The following PCCA variants were observed in gnomAD, a reference collection of about 807,000 sequenced individuals.
The protein encoded by PCCA is propionyl-CoA carboxylase alpha chain, mitochondrial.
PCCA carries 74 observed loss-of-function variants against 101.3 expected under a neutral mutation model. The ratio of observed to expected loss-of-function variants is 0.73; its 90% CI spans 0.61 to 0.89. PCCA has a LOEUF of 0.89. PCCA is among the 40% of genes least tolerant of loss of function. The pLI, the probability that PCCA is intolerant of heterozygous loss-of-function variation, is 0.00. For missense variants in PCCA, 891 were observed against 907.0 expected (o/e 0.98, Z 0.23); for synonymous variants, 294 against 313.6 (o/e 0.94, Z 0.66).
chr13:100,383,797 T>C (rs1442193078), intron 19 of PCCA, among the ~76,000 whole-genome samples: 1 of 152,114 alleles, frequency 6.6e-6, no homozygotes, highest in East Asian at 1.9e-4. Flanking sequence ...ACCCTATATT[T>C]TTCTCCTCAA....
At chr13:100,392,380 G>A (rs2076841191) in intron 19 of PCCA, among the ~76,000 whole-genome samples, 1 of 152,028 alleles carries the variant, frequency 6.6e-6, no homozygotes, top group Non-Finnish European at 1.5e-5. Context: ...TTACATAATG[G>A]GATATCAAAA....
At chr13:100,102,047 A>G (rs140492564) in intron 1 of PCCA, among the ~76,000 whole-genome samples, 6 of 151,330 alleles carry the variant, frequency 4.0e-5, no homozygotes, top group African/African-American at 1.5e-4. Context: ...TTTTTCCTCC[A>G]TTTTTTTCCT....
rs534170427 is a variant in PCCA, at chr13:100,463,938, A to G, written c.1899+14633A>G. ...CTAAGTTATTTCAAAGTATCTCAGGATCTGTTGCCACCTGCCAAAGATCTT... is the reference window on the plus strand; with the variant it reads ...CTAAGTTATTTCAAAGTATCTCAGGGTCTGTTGCCACCTGCCAAAGATCTT... On this transcript the variant is annotated intron_variant, in intron 21 of 23. Coordinates refer to ENST00000376285, the MANE Select transcript of PCCA (RefSeq NM_000282.4). 3.3e-5 allele frequency among the ~76,000 whole-genome samples: 5 copies of G among 152,330 alleles called. No homozygotes were observed. In the East Asian group the frequency reaches 9.6e-4, roughly 29 times the overall value.
At chr13:100,279,486 T>G (rs931510742) in intron 12 of PCCA, among the ~76,000 whole-genome samples, 3 of 150,778 alleles carry the variant, frequency 2.0e-5, no homozygotes, top group Non-Finnish European at 3.0e-5. Context: ...ATCCAATTTG[T>G]TTTTTTTTGA....
intron 7 of PCCA, among the ~76,000 whole-genome samples, chr13:100,211,762 A>G (rs2059226717): frequency 6.6e-6 from 1 of 151,688 alleles, no homozygotes; most frequent in Non-Finnish European, 1.5e-5. Context: ...ATTTTTTGAG[A>G]CAAGGTCTTG....
At chr13:100,517,046 CGTGTGTGTGTGT>C (rs3840814) in intron 22 of PCCA, among the ~76,000 whole-genome samples, 2,702 of 133,056 alleles carry the variant, frequency 0.02, 88 homozygotes, top group African/African-American at 0.071. Flanking sequence ...ATTATAAAAT[CGTGTGTGTGTGT>C]GTGTGTGTGT....
At chr13:100,354,334 GGGGCGGT>G (rs2073709517) in intron 18 of PCCA, among the ~76,000 whole-genome samples, 2 of 100,278 alleles carry the variant, frequency 2.0e-5, no homozygotes, top group Admixed American at 2.0e-4. Flanking sequence ...AGAAAGAGAG[GGGGCGGT>G]GGGAGGAGGG....
chr13:100,349,779 A>G (rs1025260065), intron 18 of PCCA, among the ~76,000 whole-genome samples: 1 of 144,644 alleles, frequency 6.9e-6, no homozygotes, highest in African/African-American at 2.6e-5. Context: ...CATATCAAGT[A>G]TCACGGCTGG....
chr13:100,389,436 A>G (rs1013008018), intron 19 of PCCA, among the ~76,000 whole-genome samples: 1 of 152,224 alleles, frequency 6.6e-6, no homozygotes, highest in African/African-American at 2.4e-5. Flanking sequence ...TGGGAGCTAA[A>G]TAACAAGAAC....
intron 18 of PCCA, among the ~76,000 whole-genome samples, chr13:100,357,011 G>C (rs532482773): frequency 7.2e-5 from 11 of 152,064 alleles, no homozygotes; most frequent in Non-Finnish European, 1.0e-4. Flanking sequence ...TATAGAAATC[G>C]AAAGTACATA....
intron 22 of PCCA, among the ~76,000 whole-genome samples, chr13:100,524,732 C>G (rs375525721): frequency 2.0e-5 from 3 of 151,966 alleles, no homozygotes. Context: ...ATTAGCTGGG[C>G]GTGGTGGTGC....
chr13:100,208,451 GC>G (rs1228847508), intron 6 of PCCA, among the ~76,000 whole-genome samples: 2 of 152,092 alleles, frequency 1.3e-5, no homozygotes, highest in African/African-American at 4.8e-5. Context: ...GCAGTTAGGC[GC>G]CTTCCTCGAG....
intron 12 of PCCA, among the ~76,000 whole-genome samples, chr13:100,298,255 G>A (rs1319200675): frequency 2.6e-5 from 4 of 152,088 alleles, no homozygotes; most frequent in Non-Finnish European, 5.9e-5. Flanking sequence ...CATGGACTTG[G>A]CAACTCATAA....
At chr13:100,426,390 A>G (rs2079150570) in intron 20 of PCCA, among the ~76,000 whole-genome samples, 1 of 151,888 alleles carries the variant, frequency 6.6e-6, no homozygotes, top group Admixed American at 6.6e-5. Flanking sequence ...ACATGTGGCT[A>G]TCACAGGCTA....
intron 1 of PCCA, among the ~76,000 whole-genome samples, chr13:100,098,824 C>G (rs1373471124): frequency 6.6e-6 from 1 of 152,130 alleles, no homozygotes; most frequent in Non-Finnish European, 1.5e-5. Context: ...TTGGCAGACA[C>G]TGAAGATTGG....
intron 6 of PCCA, among the ~76,000 whole-genome samples, chr13:100,173,983 A>G (rs917494325): frequency 6.6e-6 from 1 of 152,210 alleles, no homozygotes; most frequent in African/African-American, 2.4e-5. Flanking sequence ...CTGTAAGTCA[A>G]TTAAACCTTT....
At chr13:100,150,672 T>C in intron 4 of PCCA, 1 of 1,446,840 alleles carries the variant, frequency 6.9e-7, no homozygotes, top group Non-Finnish European at 9.6e-7. Context: ...TTTCTTCTGA[T>C]AGCTTTATGG....
chr13:100,332,731 C>A (rs1398835794), intron 17 of PCCA, among the ~76,000 whole-genome samples: 5 of 152,138 alleles, frequency 3.3e-5, no homozygotes. Context: ...TTGCAGTTTT[C>A]TGTGATGCAT....
intron 12 of PCCA, among the ~76,000 whole-genome samples, chr13:100,295,228 C>G (rs1357290341): frequency 4.6e-5 from 7 of 152,052 alleles, no homozygotes; most frequent in Non-Finnish European, 1.0e-4. Flanking sequence ...CAGAGCAGAA[C>G]CAAAAATAAT....
Sources: gnomAD v4.1 joint callset for allele counts (sites outside exome capture counted in the v4.1 genomes callset) on GRCh38, gnomAD v4.1.1 for gene constraint, MANE v1.5 for transcripts, NCBI Gene and HGNC (gene_info 2026-07-23, HGNC 2026-07-21) for gene names.